Variants in BMP2K observed in about 807,000 individuals in gnomAD.
BMP2K encodes BMP-2-inducible protein kinase.
A neutral mutation model predicts 116.0 loss-of-function variants in BMP2K; 74 were observed. That is an observed-to-expected ratio of 0.64 (90% confidence interval 0.53 to 0.77). The LOEUF (loss-of-function observed/expected upper bound fraction) is 0.77, where lower values mean the gene tolerates loss of function less well. Among genes scored for constraint, BMP2K ranks in the 30% least tolerant of loss-of-function variants. BMP2K has a pLI of 0.00. For missense variants in BMP2K, 1,365 were observed against 1,403.6 expected (o/e 0.97, Z 0.44); for synonymous variants, 486 against 502.5 (o/e 0.97, Z 0.44).
Position 78,910,767 on chromosome 4 carries a change from T to C in BMP2K, c.2220T>C (p.Ser740=). The C allele has an allele frequency of 3.1e-6, 5 of 1,613,854 alleles. 1 individual carries two copies. In the Admixed American group the frequency reaches 6.7e-5, roughly 22 times the overall value. The change falls in exon 16 of 16, where the codon TCT becomes TCC. Residue 740 remains serine (S), a synonymous_variant. Transcript: ENST00000502613. Reference sequence around the variant, plus strand: ...AAGTGCAAAAGGGGAATGATGAATCTGAAAGTGATTTTGAATCAGATCCCC... The same window carrying C: ...AAGTGCAAAAGGGGAATGATGAATCCGAAAGTGATTTTGAATCAGATCCCC... ...QGQVQKGNDE[S]ESDFESDPPS... is the part of the protein sequence containing the mutation.
chr4:78,871,771 A>G (rs906621953), intron 11 of BMP2K, 79 bp from the exon 12 acceptor site: 5 of 845,246 alleles, frequency 5.9e-6, no homozygotes, highest in East Asian at 2.5e-5. Context: ...TCAAATCATT[A>G]TGGTAAGATC....
At chr4:78,792,979 A>G (rs140905934) in intron 1 of BMP2K, among the ~76,000 whole-genome samples, 174 of 152,134 alleles carry the variant, frequency 1.1e-3, no homozygotes, top group African/African-American at 4.0e-3. Flanking sequence ...ACAACATATC[A>G]TATAGATTTA....
intron 1 of BMP2K, among the ~76,000 whole-genome samples, chr4:78,785,246 G>A (rs1727678061): frequency 6.6e-6 from 1 of 152,092 alleles, no homozygotes; most frequent in South Asian, 2.1e-4. Context: ...AAGTAGCTGG[G>A]ATTACAGGTT....
intron 3 of BMP2K, 128 bp downstream of exon 3, chr4:78,833,815 A>G (rs961862007): frequency 6.2e-6 from 4 of 640,114 alleles, no homozygotes; most frequent in East Asian, 3.0e-5. Context: ...ACCTTTCATT[A>G]TCTAATTAGG....
chr4:78,787,282 A>G (rs1378943289), intron 1 of BMP2K, among the ~76,000 whole-genome samples: 3 of 152,216 alleles, frequency 2.0e-5, no homozygotes, highest in African/African-American at 7.2e-5. Flanking sequence ...AGATAGAGAT[A>G]TTTGTTAATA....
chr4:78,803,516 T>A (rs1728672837), intron 1 of BMP2K, among the ~76,000 whole-genome samples: 1 of 151,976 alleles, frequency 6.6e-6, no homozygotes, highest in African/African-American at 2.4e-5. Flanking sequence ...GTAGCTGGGA[T>A]TACAGATGTG....
chr4:78,831,236 CA>C, intron 2 of BMP2K, among the ~76,000 whole-genome samples: 1 of 152,120 alleles, frequency 6.6e-6, no homozygotes, highest in East Asian at 1.9e-4. Flanking sequence ...TGCCATGAAA[CA>C]ATTAGAAAAT....
intron 7 of BMP2K, among the ~76,000 whole-genome samples, chr4:78,858,828 T>G (rs1054255878): frequency 6.6e-6 from 1 of 151,874 alleles, no homozygotes; most frequent in African/African-American, 2.4e-5. Context: ...TAACAAAATC[T>G]TTTACTTACG....
At chr4:78,861,357 A>G in intron 8 of BMP2K, 32 bp from the exon 9 acceptor site, 32 of 1,539,248 alleles carry the variant, frequency 2.1e-5, no homozygotes, top group Non-Finnish European at 2.7e-5. Context: ...ATAAAAAACT[A>G]AAATGAGACG....
Position 78,911,364 on chromosome 4 carries a change from C to G in BMP2K, c.2817C>G (p.Pro939=). ...TATTTGGCTCCACTCCATTTCAGCC[C>G]TTCCTCACATCAACAAGTAAAAGTG... The part of the protein sequence containing the change: ...VDVFGSTPFQ[P]FLTSTSKSES... The change falls in exon 16 of 16, where the codon CCC becomes CCG. Residue 939 remains proline, a synonymous_variant. Coordinates refer to ENST00000502613, the MANE Select transcript of BMP2K (RefSeq NM_198892.2). The G allele has an allele frequency of 1.2e-6, 2 of 1,613,294 alleles. No individual in the cohort carries two copies. The highest frequency in any genetic ancestry group is 1.7e-6 in the Non-Finnish European group (2 of 1,179,638).
intron 1 of BMP2K, among the ~76,000 whole-genome samples, chr4:78,819,868 G>C (rs1729530399): frequency 6.6e-6 from 1 of 152,188 alleles, no homozygotes. Flanking sequence ...AATATTCATT[G>C]TTAATATAAA....
intron 1 of BMP2K, among the ~76,000 whole-genome samples, chr4:78,815,720 A>G (rs2109980784): frequency 6.6e-6 from 1 of 152,238 alleles, no homozygotes; most frequent in East Asian, 1.9e-4. Flanking sequence ...TTTTTACAAC[A>G]TGTGGGTAAT....
At chr4:78,846,779 A>G (rs1381500761) in intron 5 of BMP2K, among the ~76,000 whole-genome samples, 1 of 151,702 alleles carries the variant, frequency 6.6e-6, no homozygotes, top group Non-Finnish European at 1.5e-5. Context: ...CTTAGTAAAT[A>G]TATAAATTAA....
At chr4:78,783,397 A>G (rs1727597503) in intron 1 of BMP2K, among the ~76,000 whole-genome samples, 1 of 152,210 alleles carries the variant, frequency 6.6e-6, no homozygotes, top group Admixed American at 6.5e-5. Context: ...TATTTCCTCT[A>G]GAGGTAGTAG....
chr4:78,871,082 A>G lies in BMP2K; in HGVS notation c.1509+22A>G, dbSNP rs765979105. 1.5e-5 allele frequency: 24 copies of G among 1,597,668 alleles called. No homozygotes were observed. In the East Asian group the frequency reaches 4.0e-4, roughly 27 times the overall value. Reference sequence around the variant, plus strand: ...GCAGGTAATTTTTTTGTTTCTTTAGATATGGAAGTAGTGTGAAATTGATGC... The same window carrying G: ...GCAGGTAATTTTTTTGTTTCTTTAGGTATGGAAGTAGTGTGAAATTGATGC... On this transcript the variant is annotated intron_variant, in intron 11 of 15. Coordinates refer to ENST00000502613, the MANE Select transcript of BMP2K (RefSeq NM_198892.2).
intron 1 of BMP2K, among the ~76,000 whole-genome samples, chr4:78,810,543 C>T (rs564490160): frequency 4.6e-4 from 70 of 152,198 alleles, no homozygotes; most frequent in Non-Finnish European, 3.5e-4. Context: ...CACAGAGTGC[C>T]GAGTCAGGTC....
At chr4:78,872,583 T>C (rs1261487079) in intron 12 of BMP2K, 31 bp from the exon 13 acceptor site, 2 of 1,596,598 alleles carry the variant, frequency 1.3e-6, no homozygotes, top group Non-Finnish European at 1.7e-6. Context: ...GACTGGAGCA[T>C]TGTTTTGTAT....
intron 15 of BMP2K, among the ~76,000 whole-genome samples, chr4:78,900,397 GCT>G (rs1162791265): frequency 2.0e-5 from 3 of 152,110 alleles, no homozygotes; most frequent in African/African-American, 7.2e-5. Context: ...ATTGTTCAAG[GCT>G]CAACTGTATA....
At chr4:78,819,485 G>T (rs1729514719) in intron 1 of BMP2K, among the ~76,000 whole-genome samples, 1 of 152,110 alleles carries the variant, frequency 6.6e-6, no homozygotes, top group African/African-American at 2.4e-5. Context: ...AGTCCTATGA[G>T]GAGACCTTAT....
Sources: gnomAD v4.1 joint callset for allele counts (sites outside exome capture counted in the v4.1 genomes callset) on GRCh38, gnomAD v4.1.1 for gene constraint, MANE v1.5 for transcripts, NCBI Gene and HGNC (gene_info 2026-07-23, HGNC 2026-07-21) for gene names.